Variants in KIAA0232 observed in about 807,000 individuals in gnomAD.
KIAA0232 encodes KIAA0232.
In KIAA0232, 27 loss-of-function variants were observed where a neutral mutation model predicts 122.0. The ratio of observed to expected loss-of-function variants is 0.22; its 90% confidence interval spans 0.16 to 0.31. The LOEUF (loss-of-function observed/expected upper bound fraction) is 0.31. Ranked by LOEUF, KIAA0232 falls within the 10% of genes least tolerant of loss-of-function variation. The pLI, the probability that KIAA0232 is intolerant of heterozygous loss-of-function variation, is 1.00. For synonymous variants in KIAA0232, 613 were observed against 587.6 expected, an observed-to-expected ratio of 1.04 and a Z score of -0.63; for missense variants, 1,551 against 1,634.2, an observed-to-expected ratio of 0.95 and a Z score of 0.88.
intron 3 of KIAA0232, among the ~76,000 whole-genome samples, chr4:6,836,581 G>C (rs191785496): frequency 1.6e-5 from 2 of 121,570 alleles, no homozygotes; most frequent in East Asian, 4.5e-4. Flanking sequence ...GATCATTCTT[G>C]GGTGTTTCTC....
At position 6,862,752 on chromosome 4, in the gene KIAA0232, C is replaced by T. The variant is rs187473593; in HGVS notation, c.2370C>T (p.Ser790=). ...TCAAAAAAACATCTAAACTAGAATCCGTCTGTGGTATTCAGCTAGAACAAA... is the reference window on the plus strand; with the variant it reads ...TCAAAAAAACATCTAAACTAGAATCTGTCTGTGGTATTCAGCTAGAACAAA... The part of the protein sequence containing the change: ...LVFKKTSKLE[S]VCGIQLEQKT... The change falls in exon 7 of 10, where the codon TCC becomes TCT. Residue 790 remains serine (S), a synonymous_variant. Transcript: ENST00000307659. 2.5e-3 allele frequency: 3,972 copies of T among 1,613,380 alleles called. 10 individuals are homozygous for T. Among genetic ancestry groups the T allele is most frequent in the Non-Finnish European group, 2.6e-3 (3,010 of 1,179,862 alleles).
At chr4:6,788,955 C>A (rs570743066) in intron 1 of KIAA0232, among the ~76,000 whole-genome samples, 1 of 149,544 alleles carries the variant, frequency 6.7e-6, no homozygotes, top group African/African-American at 2.4e-5. Context: ...AGAAAAAAAT[C>A]TCATTTTCTT....
intron 4 of KIAA0232, among the ~76,000 whole-genome samples, chr4:6,856,130 G>T (rs929754926): frequency 6.6e-6 from 1 of 152,078 alleles, no homozygotes; most frequent in African/African-American, 2.4e-5. Context: ...TGTAACCGTG[G>T]GATTTCTTAT....
At chr4:6,858,392 G>C in intron 5 of KIAA0232, 33 bp from the exon 6 acceptor site, 1 of 1,339,298 alleles carries the variant, frequency 7.5e-7, no homozygotes, top group Middle Eastern at 1.8e-4. Context: ...CTAGATATAA[G>C]ACAAATCTTT....
In KIAA0232 at chr4:6,871,495, G is replaced by A. The variant is rs79929657; in HGVS notation, c.3802-79G>A. ...TTTAAAAGTTCTGGGTTTATAATCT[G>A]TAGTTAATAATGCTTGAATATTCTT... On this transcript the variant is annotated intron_variant, in intron 7 of 9. Transcript: ENST00000307659. The A allele has an allele frequency of 0.013, 10,288 of 798,446 alleles. 667 individuals are homozygous for A. The African/African-American group carries it at 0.15, about 12-fold the overall frequency. 49.5% of individuals were successfully genotyped at this position (798,446 alleles called of 1,614,324 possible).
intron 2 of KIAA0232, among the ~76,000 whole-genome samples, chr4:6,811,920 AGTT>A (rs1717900256): frequency 6.6e-6 from 1 of 151,760 alleles, no homozygotes; most frequent in East Asian, 1.9e-4. Flanking sequence ...AATAGGCTTT[AGTT>A]GTTCTTGTTA....
At position 6,838,727 on chromosome 4, in the gene KIAA0232, CTTT is replaced by C. The variant is rs749354748; in HGVS notation, c.232-3320_232-3318del. On this transcript the variant is annotated intron_variant, in intron 3 of 9. Transcript: ENST00000307659. Reference sequence around the variant, plus strand: ...GAACTGACTTGTACTTTCAAAGCAGCTTTTTTTTTTTTTTTTTTTTTTGAGACA... The same window carrying C: ...GAACTGACTTGTACTTTCAAAGCAGCTTTTTTTTTTTTTTTTTTTGAGACA... Among the ~76,000 whole-genome samples the C allele has an allele frequency of 4.3e-3, 461 of 108,206 alleles. 1 individual carries two copies. The highest frequency in any genetic ancestry group is 0.012 in the African/African-American group (341 of 27,662). 71.0% of individuals were successfully genotyped at this position (108,206 alleles called of 152,430 possible). A position where few individuals can be genotyped will look rare whatever the true frequency, so the allele number is the denominator to read the frequency against.
At chr4:6,852,842 A>G (rs1487304589) in intron 4 of KIAA0232, among the ~76,000 whole-genome samples, 3 of 152,176 alleles carry the variant, frequency 2.0e-5, no homozygotes, top group Admixed American at 6.5e-5. Flanking sequence ...CTTTCACCAC[A>G]TGGCAGATGG....
intron 2 of KIAA0232, among the ~76,000 whole-genome samples, chr4:6,809,064 TAGAA>T (rs1717762297): frequency 6.6e-6 from 1 of 152,198 alleles, no homozygotes; most frequent in African/African-American, 2.4e-5. Flanking sequence ...CTTACATAAT[TAGAA>T]AGGGCTTCTT....
At chr4:6,788,046 T>C (rs560326183) in intron 1 of KIAA0232, among the ~76,000 whole-genome samples, 1 of 152,286 alleles carries the variant, frequency 6.6e-6, no homozygotes, top group Non-Finnish European at 1.5e-5. Context: ...CTTTTTCGTT[T>C]TTGTGTTTTT....
At chr4:6,841,972 A>G in intron 3 of KIAA0232, 95 bp from the exon 4 acceptor site, 1 of 1,391,896 alleles carries the variant, frequency 7.2e-7, no homozygotes, top group East Asian at 2.5e-5. Flanking sequence ...ATGGAAATGC[A>G]AGGGGCCTTT....
chr4:6,830,377 G>A (rs958895721), intron 3 of KIAA0232, among the ~76,000 whole-genome samples: 3 of 148,858 alleles, frequency 2.0e-5, no homozygotes, highest in African/African-American at 5.0e-5. Context: ...TCAGTGCCCC[G>A]TCTTTTAGCT....
rs761666658 is a variant in KIAA0232, at chr4:6,858,518, TG to T, written c.518+13del. 1.9e-6 allele frequency: 3 copies of T among 1,559,926 alleles called. No homozygotes were observed. In the Admixed American group the frequency reaches 5.3e-5, roughly 28 times the overall value. On this transcript the variant is annotated intron_variant, in intron 6 of 9. Coordinates refer to ENST00000307659, the MANE Select transcript of KIAA0232 (RefSeq NM_014743.3). ...GATCAAGTGGAAATGTATGTAAGATTGTATTCGGTAATAAAGTGTGCATTTG... is the reference window on the plus strand; with the variant it reads ...GATCAAGTGGAAATGTATGTAAGATTTATTCGGTAATAAAGTGTGCATTTG...
At chr4:6,811,208 G>A (rs1717860854) in intron 2 of KIAA0232, among the ~76,000 whole-genome samples, 1 of 152,106 alleles carries the variant, frequency 6.6e-6, no homozygotes, top group Non-Finnish European at 1.5e-5. Context: ...GAATCAACCT[G>A]AGTGTCCATC....
rs1720828990 is a variant in KIAA0232, at chr4:6,861,123, C to G, written c.741C>G (p.Thr247=). Residue 247 remains threonine, a synonymous_variant, in exon 7 of 10, where the codon ACC becomes ACG. Transcript: ENST00000307659. The stretch of plus-strand genomic sequence containing the variant: ...TACCCACCACTGTGCATGAGAAAAC[C>G]CAGAGCAAAAGCAAAAACGAGAAGG... ...SEVPTTVHEK[T]QSKSKNEKEN... is the part of the protein sequence containing the mutation. 6.2e-7 allele frequency: 1 copy of G among 1,613,976 alleles called. No homozygotes were observed. The highest frequency in any genetic ancestry group is 1.3e-5 in the African/African-American group (1 of 74,888).
chr4:6,848,385 A>T (rs192775593), intron 4 of KIAA0232, among the ~76,000 whole-genome samples: 197 of 152,334 alleles, frequency 1.3e-3, no homozygotes, highest in Admixed American at 4.0e-3. Flanking sequence ...CTGTGGAGGT[A>T]ACCAACAGTG....
intron 6 of KIAA0232, among the ~76,000 whole-genome samples, chr4:6,859,964 T>G (rs1198129003): frequency 6.6e-6 from 1 of 152,234 alleles, no homozygotes; most frequent in Admixed American, 6.5e-5. Flanking sequence ...TTCCATTCTG[T>G]GAGCATAACA....
At chr4:6,816,358 C>G (rs1371594995) in intron 2 of KIAA0232, among the ~76,000 whole-genome samples, 1 of 151,612 alleles carries the variant, frequency 6.6e-6, no homozygotes, top group African/African-American at 2.4e-5. Flanking sequence ...TCTCGGCTCA[C>G]TGCAAGCTCT....
chr4:6,783,260 G>C (rs981510859), intron 1 of KIAA0232, among the ~76,000 whole-genome samples: 7 of 152,330 alleles, frequency 4.6e-5, no homozygotes, highest in African/African-American at 1.7e-4. Context: ...GTGGGCCCTG[G>C]GACCCCCGCC....
Sources: gnomAD v4.1 joint callset for allele counts (sites outside exome capture counted in the v4.1 genomes callset) on GRCh38, gnomAD v4.1.1 for gene constraint, MANE v1.5 for transcripts, NCBI Gene and HGNC (gene_info 2026-07-23, HGNC 2026-07-21) for gene names.